Variants in TTYH3 observed in about 807,000 individuals in gnomAD.
TTYH3 encodes the protein tweety family member 3, also known as protein tweety homolog 3.
TTYH3 carries 23 observed loss-of-function variants against 68.2 expected under a neutral mutation model. The ratio of observed to expected loss-of-function variants is 0.34; its 90% CI spans 0.24 to 0.48. The LOEUF (loss-of-function observed/expected upper bound fraction) is 0.48, where lower values mean the gene tolerates loss of function less well. Ranked by LOEUF, TTYH3 falls within the 20% of genes least tolerant of loss-of-function variation. TTYH3 has a pLI of 0.99. For missense variants in TTYH3, 768 were observed against 727.7 expected (o/e 1.06, Z -0.64); for synonymous variants, 360 against 332.8 (o/e 1.08, Z -0.89).
rs1786001737 is a variant in TTYH3 at position 2,646,904 on chromosome 7, C to G, written c.175C>G (p.Leu59Val). 9 of 1,599,320 alleles carry G rather than the reference C, an allele frequency of 5.6e-6. No individual in the cohort carries two copies. In the East Asian group the frequency reaches 2.0e-4, roughly 36 times the overall value. Residue 59 changes from leucine to valine, a missense_variant, in exon 2 of 14, where the codon CTC becomes GTC. By Grantham distance (32) the Leu-to-Val change is conservative. Transcript: ENST00000258796. Reference sequence around the variant, plus strand: ...CCTGGCCTGCCTCGCCCTGGACCTCCTCTTCCTGCTCTTCTACTCCTTCTG... The same window carrying G: ...CCTGGCCTGCCTCGCCCTGGACCTCGTCTTCCTGCTCTTCTACTCCTTCTG... ...AALACLALDL[L>V]FLLFYSFWLC...
intron 11 of TTYH3, 145 bp downstream of exon 11, chr7:2,656,679 C>A: frequency 1.0e-6 from 1 of 1,002,348 alleles, no homozygotes; most frequent in Non-Finnish European, 1.4e-6. Context: ...CTCCCTAGGC[C>A]TCTCTAGTGT....
chr7:2,648,806 G>A (rs1029777296), intron 5 of TTYH3, among the ~76,000 whole-genome samples: 2 of 152,048 alleles, frequency 1.3e-5, no homozygotes, highest in Admixed American at 6.5e-5. Context: ...GAGCGAGGAG[G>A]GATTGAGCAG....
chr7:2,661,379 C>T (rs1035794986), intron 13 of TTYH3, among the ~76,000 whole-genome samples: 2 of 152,126 alleles, frequency 1.3e-5, no homozygotes, highest in Non-Finnish European at 2.9e-5. Context: ...CTGGTGTGGG[C>T]ATGGGAGGCT....
Position 2,658,986 on chromosome 7 carries a change from C to A in TTYH3, c.1471C>A (p.Leu491Ile). 1 of 1,614,130 alleles carries A rather than the reference C, an allele frequency of 6.2e-7. No homozygotes were observed. Among genetic ancestry groups the A allele is most frequent in the Non-Finnish European group, 8.5e-7 (1 of 1,179,956 alleles). ...FQNPRCENTPLIGRESPPPSY... is the reference protein window; with the variant it reads ...FQNPRCENTPIIGRESPPPSY... ...GAACCCCCGCTGTGAGAACACCCCA[C>A]TCATTGGGCGCGAGTCCCCGCCGCC... The change falls in exon 13 of 14, where the codon CTC becomes ATC. Residue 491 changes from leucine (L) to isoleucine (I), a missense_variant. Leu to Ile is a conservative substitution (Grantham distance 5). Transcript: ENST00000258796.
In TTYH3 at chr7:2,662,104, C is replaced by T. The variant is rs1021100095; in HGVS notation, c.*365C>T. ...CTTCCCTCCACAGCTCTCCTTCCTC[C>T]CGCCCGGCACTTCTGTGGACCCCTT... On this transcript the variant is annotated 3_prime_UTR_variant, in exon 14 of 14. Coordinates refer to ENST00000258796, the MANE Select transcript of TTYH3 (RefSeq NM_025250.3). 3.4e-5 allele frequency: 15 copies of T among 446,498 alleles called. No homozygotes were observed. The highest frequency in any genetic ancestry group is 8.9e-5 in the East Asian group (2 of 22,376). The allele number at this position is 446,498 out of a possible 1,614,324, so 27.7% of individuals were successfully genotyped here.
At chr7:2,634,253 C>T (rs940002171) in intron 1 of TTYH3, among the ~76,000 whole-genome samples, 6 of 152,214 alleles carry the variant, frequency 3.9e-5, no homozygotes, top group Admixed American at 6.5e-5. Flanking sequence ...TGGTGCTTTT[C>T]GGCAACTGCT....
chr7:2,633,379 G>A (rs1785576059), intron 1 of TTYH3, among the ~76,000 whole-genome samples: 1 of 152,202 alleles, frequency 6.6e-6, no homozygotes, highest in African/African-American at 2.4e-5. Flanking sequence ...GGAGGCGGAA[G>A]TGGAGGAGCA....
chr7:2,656,116 G>T lies in TTYH3; in HGVS notation c.1045G>T (p.Val349Leu), dbSNP rs142924267. 1 of 1,563,882 alleles carries T rather than the reference G, an allele frequency of 6.4e-7. No homozygotes were observed. Among genetic ancestry groups the T allele is most frequent in the Admixed American group, 1.9e-5 (1 of 53,140 alleles). Residue 349 changes from valine (V) to leucine (L), a missense_variant, in exon 10 of 14, where the codon GTG becomes TTG. By Grantham distance (32) the Val-to-Leu change is conservative (BLOSUM62 1). Coordinates refer to ENST00000258796, the MANE Select transcript of TTYH3 (RefSeq NM_025250.3). ...TKDPLLRVQE[V>L]LNGTEVNLQH... ...GGACCCCCTCCTCCGCGTCCAGGAG[G>T]TGCTGAATGGCACGGAGGTGAACCT...
chr7:2,643,531 G>A (rs985441205), intron 1 of TTYH3, among the ~76,000 whole-genome samples: 8 of 152,232 alleles, frequency 5.3e-5, no homozygotes, highest in African/African-American at 1.9e-4. Context: ...GGTGCCTGGT[G>A]CTTAGCAGCC....
chr7:2,637,882 C>T (rs1785722443), intron 1 of TTYH3, among the ~76,000 whole-genome samples: 1 of 152,184 alleles, frequency 6.6e-6, no homozygotes, highest in East Asian at 1.9e-4. Context: ...GCAGCACCCA[C>T]TGTGGCTGGG....
intron 12 of TTYH3, 39 bp downstream of exon 12, chr7:2,658,498 C>G: frequency 6.3e-7 from 1 of 1,577,124 alleles, no homozygotes; most frequent in South Asian, 1.1e-5. Context: ...GCGGACACGT[C>G]AGCTGCGGCT....
rs552929008 is a variant in TTYH3, at chr7:2,653,924, C to T, written c.1020+914C>T. On this transcript the variant is annotated intron_variant, in intron 9 of 13. Coordinates refer to ENST00000258796, the MANE Select transcript of TTYH3 (RefSeq NM_025250.3). ...TATACTCTTGATAAAACCCAAATCT[C>T]TTTGGAGGTGTTTGGTCCACCCGTG... Among the ~76,000 whole-genome samples, 6 of 152,294 alleles carry T rather than the reference C, an allele frequency of 3.9e-5. No individual in the cohort carries two copies. In the East Asian group the frequency reaches 1.2e-3, roughly 29 times the overall value.
chr7:2,646,790 G>A (rs1383658476), intron 1 of TTYH3, 63 bp from the exon 2 acceptor site: 12 of 1,497,268 alleles, frequency 8.0e-6, no homozygotes, highest in African/African-American at 1.4e-5. Flanking sequence ...CCCTGCTGGG[G>A]CGGGGCGTGG....
At chr7:2,652,805 G>T in intron 8 of TTYH3, 113 bp from the exon 9 acceptor site, 1 of 828,278 alleles carries the variant, frequency 1.2e-6, no homozygotes, top group East Asian at 2.7e-5. Context: ...GCAGAGCCTT[G>T]ATGGTCTCCC....
intron 7 of TTYH3, 105 bp from the exon 8 acceptor site, chr7:2,652,082 T>A: frequency 1.1e-6 from 1 of 932,476 alleles, no homozygotes. Context: ...CATGTAAACA[T>A]GCACGCAGAT....
chr7:2,658,227 T>G, intron 11 of TTYH3, 59 bp from the exon 12 acceptor site: 1 of 1,451,058 alleles, frequency 6.9e-7, no homozygotes, highest in Non-Finnish European at 9.2e-7. Flanking sequence ...CCCCCATGGG[T>G]CTGTGGCCAG....
At chr7:2,639,211 C>G (rs1728910648) in intron 1 of TTYH3, among the ~76,000 whole-genome samples, 1 of 152,206 alleles carries the variant, frequency 6.6e-6, no homozygotes, top group Non-Finnish European at 1.5e-5. Flanking sequence ...ACTCCCACCT[C>G]TCGCCTGCCA....
rs1003622743 is a variant in TTYH3, at chr7:2,662,106, G to T, written c.*367G>T. ...TCCCTCCACAGCTCTCCTTCCTCCC[G>T]CCCGGCACTTCTGTGGACCCCTTCT... On this transcript the variant is annotated 3_prime_UTR_variant, in exon 14 of 14. Transcript: ENST00000258796. The T allele has an allele frequency of 2.2e-6, 1 of 449,420 alleles. No individual in the cohort carries two copies. Among genetic ancestry groups the T allele is most frequent in the Non-Finnish European group, 4.1e-6 (1 of 243,496 alleles). 27.8% of individuals were successfully genotyped at this position (449,420 alleles called of 1,614,324 possible).
rs923823403 is a variant in TTYH3 at position 2,660,564 on chromosome 7, C to T, written c.1501-1104C>T. ...TGCCCCGTCCCGTCCAGTCCCGCCCCGTCCCGCCCCCATCCCCTCCCCTTG... is the reference window on the plus strand; with the variant it reads ...TGCCCCGTCCCGTCCAGTCCCGCCCTGTCCCGCCCCCATCCCCTCCCCTTG... On this transcript the variant is annotated intron_variant, in intron 13 of 13. Transcript: ENST00000258796. The T allele has an allele frequency of 2.9e-5, 28 of 981,628 alleles. No homozygotes were observed. In the East Asian group the frequency reaches 6.9e-4, roughly 24 times the overall value. The allele number at this position is 981,628 out of a possible 1,614,324, so 60.8% of individuals were successfully genotyped here.
Sources: allele counts gnomAD v4.1 joint callset (sites outside exome capture counted in the v4.1 genomes callset), GRCh38; gene constraint gnomAD v4.1.1; transcripts MANE v1.5; gene names NCBI Gene and HGNC (gene_info 2026-07-23, HGNC 2026-07-21).